Variants in DPH6 observed in about 807,000 individuals in gnomAD.
DPH6 encodes diphthamine biosynthesis 6, also known as diphthine--ammonia ligase.
Under a neutral mutation model 38.2 loss-of-function variants are expected in DPH6, and 33 were observed. The observed-to-expected ratio is 0.86, with a 90% confidence interval of 0.65 to 1.15. DPH6 has a LOEUF of 1.15. Among genes scored for constraint, DPH6 ranks in the 50% most tolerant of loss-of-function variants. The pLI, the probability that DPH6 is intolerant of heterozygous loss-of-function variation, is 0.00. For synonymous variants in DPH6, 108 were observed against 103.0 expected (o/e 1.05, Z -0.30); for missense variants, 325 against 320.0 (o/e 1.02, Z -0.12).
rs1376609671 is a variant in DPH6, at chr15:35,372,112, G to A, written c.*38C>T. The A allele has an allele frequency of 2.7e-6, 4 of 1,493,410 alleles. No homozygotes were observed. In the East Asian group the frequency reaches 7.7e-5, roughly 29 times the overall value. The allele number at this position is 1,493,410 out of a possible 1,614,324, so 92.5% of individuals were successfully genotyped here. On this transcript the variant is annotated 3_prime_UTR_variant, in exon 9 of 9. Transcript: ENST00000256538. ...AAATACTATGCAATTTTTTTGTATA[G>A]AAATGGTGGTTTAATGAACAATGTT...
At chr15:35,154,236 T>C in the DPH6 span, among the ~76,000 whole-genome samples, 54 of 152,298 alleles carry the variant, frequency 3.5e-4, no homozygotes, top group African/African-American at 1.3e-3. Flanking sequence ...TGCTAAACCC[T>C]GATTTGACCA....
intron 3 of DPH6, among the ~76,000 whole-genome samples, chr15:35,300,354 C>T (rs188103476): frequency 1.4e-4 from 21 of 152,208 alleles, no homozygotes; most frequent in Admixed American, 1.2e-3. Context: ...GAGAATAAAT[C>T]ATGGAGGAGG....
At chr15:35,223,308 AG>A (rs919067987) in intron 3 of DPH6, among the ~76,000 whole-genome samples, 1 of 152,188 alleles carries the variant, frequency 6.6e-6, no homozygotes, top group Non-Finnish European at 1.5e-5. Context: ...ACTCACTCTC[AG>A]GAAAACAGCA....
intron 3 of DPH6, among the ~76,000 whole-genome samples, chr15:35,270,804 A>AT (rs1458666454): frequency 1.3e-5 from 2 of 152,240 alleles, no homozygotes; most frequent in Non-Finnish European, 2.9e-5. Flanking sequence ...AAGAAAGCCA[A>AT]TTGTTGAGCT....
In DPH6 at chr15:35,372,099, ATT is replaced by A. The variant is rs995089041; in HGVS notation, c.*49_*50del. On this transcript the variant is annotated 3_prime_UTR_variant, in exon 9 of 9. Transcript: ENST00000256538. ...ATAGTAACTGAGAAAATACTATGCA[ATT>A]TTTTTGTATAGAAATGGTGGTTTAA... 2.7e-6 allele frequency: 4 copies of A among 1,484,492 alleles called. No homozygotes were observed. Among genetic ancestry groups the A allele is most frequent in the South Asian group, 2.8e-5 (2 of 71,074 alleles). The allele number at this position is 1,484,492 out of a possible 1,614,324, so 92.0% of individuals were successfully genotyped here. A position where few individuals can be genotyped will look rare whatever the true frequency, so the allele number is the denominator to read the frequency against.
chr15:35,448,000 AT>A (rs1456860457), intron 5 of DPH6, among the ~76,000 whole-genome samples: 5 of 152,190 alleles, frequency 3.3e-5, no homozygotes, highest in African/African-American at 1.2e-4. Flanking sequence ...CTAGTGATCA[AT>A]TTAGTTACTT....
chr15:35,467,218 T>G (rs2054137913), intron 3 of DPH6, among the ~76,000 whole-genome samples: 1 of 152,192 alleles, frequency 6.6e-6, no homozygotes, highest in African/African-American at 2.4e-5. Flanking sequence ...CTGTAAACTT[T>G]TTTCTATTTT....
downstream of DPH6, among the ~76,000 whole-genome samples, chr15:35,326,535 G>A (rs1425425096): frequency 2.0e-5 from 3 of 151,910 alleles, no homozygotes; most frequent in African/African-American, 4.8e-5. Context: ...AGGTTCAAGC[G>A]ATCCTCCTAC....
the DPH6 span, among the ~76,000 whole-genome samples, chr15:35,206,333 C>A: frequency 6.6e-6 from 1 of 152,068 alleles, no homozygotes; most frequent in African/African-American, 2.4e-5. Context: ...TTAATTGGAA[C>A]CTGAATCACA....
chr15:35,544,418 G>A (rs1295975234), intron 1 of DPH6, among the ~76,000 whole-genome samples: 2 of 151,934 alleles, frequency 1.3e-5, no homozygotes, highest in African/African-American at 4.8e-5. Context: ...GGGTTGATGG[G>A]TGCAGCAAAC....
chr15:35,362,063 TTATAA>T (rs1206358681), intron 3 of DPH6, among the ~76,000 whole-genome samples: 2 of 152,128 alleles, frequency 1.3e-5, no homozygotes, highest in Non-Finnish European at 2.9e-5. Context: ...CTTCCAATCT[TTATAA>T]AGTGGCTTCA....
intron 2 of DPH6, 119 bp downstream of exon 2, chr15:35,542,294 G>T: frequency 2.6e-6 from 2 of 767,764 alleles, no homozygotes; most frequent in Non-Finnish European, 4.1e-6. Flanking sequence ...GCATCTAATG[G>T]GTGCTTAATA....
intron 5 of DPH6, among the ~76,000 whole-genome samples, chr15:35,425,652 G>GAT (rs1442918254): frequency 2.2e-5 from 3 of 139,478 alleles, no homozygotes; most frequent in African/African-American, 8.7e-5. Context: ...CCATATATAA[G>GAT]ATATATATGG....
At chr15:35,504,050 A>G (rs2054662146) in intron 3 of DPH6, among the ~76,000 whole-genome samples, 1 of 152,100 alleles carries the variant, frequency 6.6e-6, no homozygotes, top group African/African-American at 2.4e-5. Context: ...TTCTGAGATA[A>G]CTTAATTTCA....
the DPH6 span, among the ~76,000 whole-genome samples, chr15:35,160,543 CA>C: frequency 6.6e-6 from 1 of 151,684 alleles, no homozygotes; most frequent in South Asian, 2.1e-4. Context: ...TTTTGTCATC[CA>C]GGTAGTGACA....
chr15:35,275,087 T>A (rs964700341), intron 3 of DPH6, among the ~76,000 whole-genome samples: 3 of 152,018 alleles, frequency 2.0e-5, no homozygotes, highest in African/African-American at 7.2e-5. Flanking sequence ...GCTAATTTTT[T>A]TGTATTTTTA....
intron 3 of DPH6, among the ~76,000 whole-genome samples, chr15:35,284,359 TC>T (rs2051923515): frequency 6.6e-6 from 1 of 152,100 alleles, no homozygotes; most frequent in Admixed American, 6.6e-5. Flanking sequence ...CTGCTTTTTT[TC>T]CCCCTAAGGT....
intron 3 of DPH6, among the ~76,000 whole-genome samples, chr15:35,233,263 C>T (rs1363353727): frequency 6.6e-5 from 10 of 152,120 alleles, no homozygotes; most frequent in Admixed American, 5.9e-4. Flanking sequence ...GAGCCAAGAT[C>T]GCCCCATTGC....
chr15:35,245,583 G>T (rs1269260470), intron 3 of DPH6, among the ~76,000 whole-genome samples: 1 of 152,074 alleles, frequency 6.6e-6, no homozygotes, highest in Non-Finnish European at 1.5e-5. Flanking sequence ...AGTTTATATT[G>T]GTTAGCTTCA....
Sources: allele counts gnomAD v4.1 joint callset (sites outside exome capture counted in the v4.1 genomes callset), GRCh38; gene constraint gnomAD v4.1.1; transcripts MANE v1.5; gene names NCBI Gene and HGNC (gene_info 2026-07-23, HGNC 2026-07-21).